SPATA16: variants seen among roughly 807,000 people sequenced by gnomAD.
SPATA16 encodes spermatogenesis-associated protein 16.
SPATA16 carries 36 observed loss-of-function variants against 63.3 expected under a neutral mutation model. The ratio of observed to expected loss-of-function variants is 0.57; its 90% CI spans 0.44 to 0.75. SPATA16 has a LOEUF of 0.75. Ranked by LOEUF, SPATA16 falls within the 30% of genes least tolerant of loss-of-function variation. SPATA16 has a pLI of 0.00. For synonymous variants in SPATA16, 203 were observed against 216.7 expected (o/e 0.94, Z 0.56); for missense variants, 646 against 679.3 (o/e 0.95, Z 0.54).
chr3:173,070,547 A>G lies in SPATA16; in HGVS notation c.613-21453T>C, dbSNP rs374447982. 7.2e-5 allele frequency among the ~76,000 whole-genome samples: 11 copies of G among 152,312 alleles called. 1 individual carries two copies. Among genetic ancestry groups the G allele is most frequent in the African/African-American group, 2.6e-4 (11 of 41,562 alleles). ...AACTAGCCTTAGTTGCATGTGATAC[A>G]ATCTTACATTTAGAAAAATCTAAAG... On this transcript the variant is annotated intron_variant, in intron 2 of 10. Coordinates refer to ENST00000351008, the MANE Select transcript of SPATA16 (RefSeq NM_031955.6).
At chr3:173,017,047 A>G (rs1735206254) in intron 4 of SPATA16, among the ~76,000 whole-genome samples, 1 of 151,950 alleles carries the variant, frequency 6.6e-6, no homozygotes, top group South Asian at 2.1e-4. Context: ...ATTGCTTTAT[A>G]TATGTTGATT....
chr3:173,040,100 A>G (rs1735805298), intron 3 of SPATA16, among the ~76,000 whole-genome samples: 1 of 151,446 alleles, frequency 6.6e-6, no homozygotes, highest in South Asian at 2.1e-4. Context: ...CCAGCCCCCC[A>G]CCTCCTTCTT....
chr3:173,115,086 A>G (rs760326852), intron 2 of SPATA16, among the ~76,000 whole-genome samples: 5 of 152,026 alleles, frequency 3.3e-5, no homozygotes, highest in Non-Finnish European at 5.9e-5. Flanking sequence ...CAGGAGAGAG[A>G]AAAAAAAGAG....
chr3:173,035,747 G>A (rs1364976043), intron 3 of SPATA16, among the ~76,000 whole-genome samples: 1 of 151,954 alleles, frequency 6.6e-6, no homozygotes, highest in Non-Finnish European at 1.5e-5. Context: ...TTTTCTATAG[G>A]TTCCTTGACA....
chr3:172,927,768 G>A (rs574640688), intron 6 of SPATA16, among the ~76,000 whole-genome samples: 2 of 152,118 alleles, frequency 1.3e-5, no homozygotes, highest in African/African-American at 2.4e-5. Context: ...TATAAAAATC[G>A]ACGGGAAACA....
chr3:172,892,998 G>T (rs1444993138), intron 10 of SPATA16, among the ~76,000 whole-genome samples: 1 of 152,196 alleles, frequency 6.6e-6, no homozygotes, highest in Non-Finnish European at 1.5e-5. Flanking sequence ...TGAGGGGAAT[G>T]AAATATCTCA....
At chr3:172,967,369 A>G (rs1479701189) in intron 5 of SPATA16, among the ~76,000 whole-genome samples, 1 of 152,268 alleles carries the variant, frequency 6.6e-6, no homozygotes, top group Non-Finnish European at 1.5e-5. Context: ...CAAACCAGGA[A>G]TATTTTGAAA....
rs1173116342 is a variant in SPATA16, at chr3:172,916,351, T to G, written c.1469A>C (p.Tyr490Ser). Residue 490 changes from tyrosine (Y) to serine (S), a missense_variant, in exon 9 of 11, where the codon TAC (tyrosine) becomes TCC (serine). Coordinates refer to ENST00000351008, the MANE Select transcript of SPATA16 (RefSeq NM_031955.6). ...QAMAELATIP[Y>S]LQDISQQEAE... is the part of the protein sequence containing the mutation. ...CTCCTGTTGACTGATGTCCTGTAGG[T>G]AGGGAATGGTTGCTAGCTCTGCCAT... 1.2e-6 allele frequency: 2 copies of G among 1,613,566 alleles called. No homozygotes were observed. Among genetic ancestry groups the G allele is most frequent in the East Asian group, 4.5e-5 (2 of 44,866 alleles).
intron 4 of SPATA16, among the ~76,000 whole-genome samples, chr3:172,981,977 T>A (rs1734330867): frequency 6.6e-6 from 1 of 152,224 alleles, no homozygotes; most frequent in Non-Finnish European, 1.5e-5. Context: ...ATACTCACTA[T>A]CTGGCTCTAC....
intron 5 of SPATA16, among the ~76,000 whole-genome samples, chr3:172,968,200 C>T (rs917601267): frequency 9.9e-5 from 15 of 152,198 alleles, no homozygotes; most frequent in Admixed American, 8.5e-4. Context: ...AAGTGAAGCA[C>T]GCTGCCCCTT....
chr3:172,956,860 A>G, intron 5 of SPATA16, 36 bp from the exon 6 acceptor site: 2 of 1,611,492 alleles, frequency 1.2e-6, no homozygotes, highest in Non-Finnish European at 1.7e-6. Flanking sequence ...GGCATCAATA[A>G]CAATATATGA....
intron 6 of SPATA16, among the ~76,000 whole-genome samples, chr3:172,929,836 T>C (rs1241076248): frequency 6.6e-6 from 1 of 152,212 alleles, no homozygotes. Flanking sequence ...TTAGTTAAAA[T>C]AGAGCAAATA....
chr3:172,912,505 G>A (rs1732391038), intron 10 of SPATA16, among the ~76,000 whole-genome samples: 1 of 151,394 alleles, frequency 6.6e-6, no homozygotes. Context: ...AAATGTGTAG[G>A]TCCATTTATA....
chr3:173,130,533 T>A (rs573463219), intron 1 of SPATA16, among the ~76,000 whole-genome samples: 1 of 152,266 alleles, frequency 6.6e-6, no homozygotes, highest in East Asian at 1.9e-4. Flanking sequence ...TTTTAACACT[T>A]GAGAAACCAT....
rs112789918 is a variant in SPATA16, at chr3:172,990,237, T to C, written c.849-13185A>G. 1.1e-3 allele frequency among the ~76,000 whole-genome samples: 167 copies of C among 152,340 alleles called. 1 individual carries two copies. The highest frequency in any genetic ancestry group is 3.8e-3 in the African/African-American group (158 of 41,582). On this transcript the variant is annotated intron_variant, in intron 4 of 10. Coordinates refer to ENST00000351008, the MANE Select transcript of SPATA16 (RefSeq NM_031955.6). ...GTAAGCTCCATAAGGGCAGGCATTT[T>C]TGAAGTTTTGCTCATTGCCATCTAT...
intron 2 of SPATA16, among the ~76,000 whole-genome samples, chr3:173,070,391 T>C (rs1412741509): frequency 4.7e-4 from 61 of 129,060 alleles, no homozygotes; most frequent in Non-Finnish European, 7.8e-4. Context: ...CAAGACTCTG[T>C]CTCAAAAAAA....
chr3:172,967,057 A>G (rs954017269), intron 5 of SPATA16, among the ~76,000 whole-genome samples: 1 of 152,252 alleles, frequency 6.6e-6, no homozygotes, highest in Non-Finnish European at 1.5e-5. Flanking sequence ...ACTGGAAGGC[A>G]AAGTCTCTAT....
At chr3:172,909,348 G>A (rs762873276) in intron 10 of SPATA16, among the ~76,000 whole-genome samples, 2 of 152,194 alleles carry the variant, frequency 1.3e-5, no homozygotes, top group Non-Finnish European at 2.9e-5. Context: ...AAGCTGGCCT[G>A]TGACTGCTTT....
intron 2 of SPATA16, among the ~76,000 whole-genome samples, chr3:173,068,713 C>A (rs1305136503): frequency 2.0e-5 from 3 of 151,194 alleles, no homozygotes; most frequent in African/African-American, 7.3e-5. Flanking sequence ...AAGTTTATAG[C>A]AATAAATGCC....
Sources: gnomAD v4.1 joint callset for allele counts (sites outside exome capture counted in the v4.1 genomes callset) on GRCh38, gnomAD v4.1.1 for gene constraint, MANE v1.5 for transcripts, NCBI Gene and HGNC (gene_info 2026-07-23, HGNC 2026-07-21) for gene names.